The following RAD18 variants were observed in gnomAD, a reference collection of about 807,000 sequenced individuals.
The protein encoded by RAD18 is RAD18 E3 ubiquitin protein ligase, also known as E3 ubiquitin-protein ligase RAD18.
In RAD18, 47 loss-of-function variants were observed where a neutral mutation model predicts 60.4. That is an observed-to-expected ratio of 0.78 (90% CI 0.62 to 0.99). RAD18 has a LOEUF of 0.99. RAD18 is among the 50% of genes least tolerant of loss of function. The pLI is 0.00. For synonymous variants in RAD18, 225 were observed against 195.5 expected (o/e 1.15, Z -1.26); for missense variants, 640 against 593.3 (o/e 1.08, Z -0.82).
In RAD18 at chr3:8,963,407, G is replaced by T. The variant is rs1177997222; in HGVS notation, c.-22C>A. On this transcript the variant is annotated 5_prime_UTR_variant, in exon 1 of 13. Transcript: ENST00000264926. Reference sequence around the variant, plus strand: ...CCATGGTCGCTCCCGAGGATGCTGGGGGTCAGCCACCCACTAGCCTCCGGC... The same window carrying T: ...CCATGGTCGCTCCCGAGGATGCTGGTGGTCAGCCACCCACTAGCCTCCGGC... 1.3e-6 allele frequency: 2 copies of T among 1,576,786 alleles called. No homozygotes were observed. The highest frequency in any genetic ancestry group is 1.7e-6 in the Non-Finnish European group (2 of 1,159,686).
At chr3:8,941,424 T>C (rs1226734687) in intron 5 of RAD18, 43 bp downstream of exon 5, 11 of 1,458,490 alleles carry the variant, frequency 7.5e-6, no homozygotes. Flanking sequence ...GTCATGTGGA[T>C]GAAAAGATGT....
At chr3:8,962,957 A>G (rs956902898) in intron 1 of RAD18, among the ~76,000 whole-genome samples, 2 of 152,256 alleles carry the variant, frequency 1.3e-5, no homozygotes, top group African/African-American at 4.8e-5. Flanking sequence ...TTATCTGATA[A>G]AGTGTCCACC....
intron 5 of RAD18, among the ~76,000 whole-genome samples, chr3:8,940,545 G>A (rs1940729972): frequency 6.6e-6 from 1 of 152,172 alleles, no homozygotes; most frequent in South Asian, 2.1e-4. Context: ...TCTGCACTAC[G>A]TGTGGTATGG....
At position 8,898,884 on chromosome 3, in the gene RAD18, T is replaced by G; in HGVS notation, c.1322+10A>C. On this transcript the variant is annotated intron_variant, in intron 11 of 12. Coordinates refer to ENST00000264926, the MANE Select transcript of RAD18 (RefSeq NM_020165.4). Reference sequence around the variant, plus strand: ...ATATTTAAAATAATCAACTACTGCATGTTTCTTACCTATTGCATGAATCTG... The same window carrying G: ...ATATTTAAAATAATCAACTACTGCAGGTTTCTTACCTATTGCATGAATCTG... The G allele has an allele frequency of 6.4e-7, 1 of 1,550,792 alleles. No homozygotes were observed. The highest frequency in any genetic ancestry group is 8.8e-7 in the Non-Finnish European group (1 of 1,142,636).
intron 12 of RAD18, among the ~76,000 whole-genome samples, chr3:8,889,924 C>T (rs250409): frequency 0.63 from 95,947 of 152,024 alleles, 31,852 homozygotes; most frequent in Middle Eastern, 0.73. Context: ...GTACCTTTTC[C>T]AGGTTTAGAT....
intron 2 of RAD18, among the ~76,000 whole-genome samples, chr3:8,955,968 T>C (rs1415687930): frequency 9.2e-5 from 14 of 152,198 alleles, no homozygotes; most frequent in Admixed American, 9.2e-4. Flanking sequence ...TACTTACCTA[T>C]GATAAAGTTT....
intron 1 of RAD18, among the ~76,000 whole-genome samples, chr3:8,961,540 C>T (rs921494080): frequency 6.6e-6 from 1 of 152,162 alleles, no homozygotes; most frequent in Admixed American, 6.5e-5. Context: ...AGTCAGACTT[C>T]TATTCAATAA....
chr3:8,924,786 T>G, intron 7 of RAD18, among the ~76,000 whole-genome samples: 1 of 146,552 alleles, frequency 6.8e-6, no homozygotes, highest in South Asian at 2.2e-4. Context: ...ACATGGAAAC[T>G]GAACAACCTG....
At chr3:8,956,671 A>G (rs1455992136) in intron 2 of RAD18, among the ~76,000 whole-genome samples, 2 of 152,030 alleles carry the variant, frequency 1.3e-5, no homozygotes, top group African/African-American at 4.8e-5. Flanking sequence ...GCTATGTCAC[A>G]AAATAAAGGA....
intron 3 of RAD18, 45 bp from the exon 4 acceptor site, chr3:8,947,335 T>G: frequency 6.9e-7 from 1 of 1,439,556 alleles, no homozygotes; most frequent in Non-Finnish European, 9.7e-7. Flanking sequence ...AAAACAATAA[T>G]CAACTTGTCA....
rs1939379760 is a variant in RAD18, at chr3:8,877,425, A to G, written c.*3932T>C. ...TAGAAGGACCGTGACCCCATCTATA[A>G]GAGCTGTGCCCTCACGACTTAATCA... is the stretch of plus-strand genomic sequence containing the variant. On this transcript the variant is annotated 3_prime_UTR_variant, in exon 13 of 13. Coordinates refer to ENST00000264926, the MANE Select transcript of RAD18 (RefSeq NM_020165.4). 1 of 152,220 alleles carries G rather than the reference A, an allele frequency of 6.6e-6. No individual in the cohort carries two copies. 9.4% of individuals were successfully genotyped at this position (152,220 alleles called of 1,614,324 possible).
chr3:8,926,149 A>G lies in RAD18; in HGVS notation c.889+9722T>C, dbSNP rs1270262669. 7.9e-5 allele frequency among the ~76,000 whole-genome samples: 12 copies of G among 152,282 alleles called. No individual in the cohort carries two copies. The South Asian group carries it at 2.3e-3, about 29-fold the overall frequency. On this transcript the variant is annotated intron_variant, in intron 7 of 12. Coordinates refer to ENST00000264926, the MANE Select transcript of RAD18 (RefSeq NM_020165.4). ...CCCTGTTTGCAGATGACATGACTGT[A>G]TATCTAGAAAACCCCATCGTCTCAG... is the stretch of plus-strand genomic sequence containing the variant.
intron 11 of RAD18, among the ~76,000 whole-genome samples, chr3:8,897,470 C>A (rs1277279539): frequency 1.3e-5 from 2 of 152,146 alleles, no homozygotes; most frequent in African/African-American, 2.4e-5. Flanking sequence ...GTCTTCAGCA[C>A]AGCAAGGCCA....
chr3:8,926,094 T>C (rs1160921183), intron 7 of RAD18, among the ~76,000 whole-genome samples: 5 of 151,930 alleles, frequency 3.3e-5, no homozygotes, highest in Non-Finnish European at 7.4e-5. Flanking sequence ...ATAAAGGGTA[T>C]TCAATTAGGA....
chr3:8,943,029 C>G (rs762481217), intron 4 of RAD18, among the ~76,000 whole-genome samples: 1 of 152,164 alleles, frequency 6.6e-6, no homozygotes. Context: ...GAAATATAAA[C>G]AAAGCTCAAA....
At position 8,926,910 on chromosome 3, in the gene RAD18, A is replaced by G. The variant is rs550811838; in HGVS notation, c.889+8961T>C. ...TTATACCTTATACAAAAATTAATTC[A>G]AGATGGATTAAAGACTTAAATGTTA... On this transcript the variant is annotated intron_variant, in intron 7 of 12. Transcript: ENST00000264926. 2.4e-3 allele frequency among the ~76,000 whole-genome samples: 362 copies of G among 152,288 alleles called. 1 individual carries two copies. Among genetic ancestry groups the G allele is most frequent in the African/African-American group, 7.8e-3 (326 of 41,566 alleles).
chr3:8,956,830 T>TA (rs1422775431), intron 2 of RAD18, among the ~76,000 whole-genome samples: 4 of 148,146 alleles, frequency 2.7e-5, no homozygotes, highest in East Asian at 3.9e-4. Flanking sequence ...ATTAAGAATA[T>TA]AAAAAAAACT....
intron 2 of RAD18, among the ~76,000 whole-genome samples, chr3:8,950,412 A>G (rs539194323): frequency 6.6e-6 from 1 of 152,284 alleles, no homozygotes; most frequent in Admixed American, 6.5e-5. Context: ...GTTTTATCAG[A>G]GCCCAGCTGA....
intron 11 of RAD18, among the ~76,000 whole-genome samples, chr3:8,896,319 A>G (rs1471203600): frequency 3.3e-5 from 5 of 152,232 alleles, no homozygotes; most frequent in Non-Finnish European, 5.9e-5. Flanking sequence ...CTGGAGCTAC[A>G]TGAAAACAGT....
Sources: gnomAD v4.1 joint callset for allele counts (sites outside exome capture counted in the v4.1 genomes callset) on GRCh38, gnomAD v4.1.1 for gene constraint, MANE v1.5 for transcripts, NCBI Gene and HGNC (gene_info 2026-07-23, HGNC 2026-07-21) for gene names.